POC5: variants seen among roughly 807,000 people sequenced by gnomAD.
POC5 encodes POC5 centriolar protein.
Under a neutral mutation model 62.9 loss-of-function variants are expected in POC5, and 48 were observed. The observed-to-expected ratio is 0.76, with a 90% CI of 0.61 to 0.97. The LOEUF (loss-of-function observed/expected upper bound fraction) is 0.97, where lower values mean the gene tolerates loss of function less well. POC5 is among the 50% of genes least tolerant of loss of function. The pLI, the probability that POC5 is intolerant of heterozygous loss-of-function variation, is 0.00. For synonymous variants in POC5, 236 were observed against 228.2 expected (o/e 1.03, Z -0.31); for missense variants, 696 against 679.5 (o/e 1.02, Z -0.27).
chr5:75,684,268 A>G (rs1775992901), intron 10 of POC5, among the ~76,000 whole-genome samples: 1 of 152,038 alleles, frequency 6.6e-6, no homozygotes, highest in Admixed American at 6.6e-5. Context: ...TTAAATATAC[A>G]TTAACCTCCC....
chr5:75,696,935 A>C (rs1294192926), intron 5 of POC5, among the ~76,000 whole-genome samples: 1 of 152,116 alleles, frequency 6.6e-6, no homozygotes, highest in Admixed American at 6.5e-5. Flanking sequence ...TGATGCGATC[A>C]ACTGGAAGAA....
At chr5:75,712,219 A>T in intron 2 of POC5, 2 of 953,368 alleles carry the variant, frequency 2.1e-6, no homozygotes, top group Non-Finnish European at 3.1e-6. Flanking sequence ...CCCCTTGAGT[A>T]ATACAACTGT....
chr5:75,701,964 G>A (rs1776904477), intron 5 of POC5, among the ~76,000 whole-genome samples: 2 of 152,212 alleles, frequency 1.3e-5, no homozygotes, highest in South Asian at 2.1e-4. Flanking sequence ...TAAAGGCACA[G>A]TATGTCTCAG....
intron 6 of POC5, among the ~76,000 whole-genome samples, chr5:75,693,060 A>G (rs1776408579): frequency 6.8e-6 from 1 of 147,878 alleles, no homozygotes; most frequent in Non-Finnish European, 1.5e-5. Context: ...ACCTATTAAT[A>G]ACATGTTATA....
chr5:75,696,183 C>T (rs138887034), intron 5 of POC5: 25,573 of 156,686 alleles, frequency 0.16, 2,362 homozygotes, highest in South Asian at 0.2. Context: ...CAAAGCAGCC[C>T]GGAAGCTCGA....
At chr5:75,715,745 C>T (rs1395996358) in intron 1 of POC5, among the ~76,000 whole-genome samples, 3 of 152,130 alleles carry the variant, frequency 2.0e-5, no homozygotes, top group Non-Finnish European at 4.4e-5. Context: ...AATATGCGTT[C>T]AGAGGGGACC....
intron 9 of POC5, among the ~76,000 whole-genome samples, chr5:75,688,000 G>C (rs1776170564): frequency 6.6e-6 from 1 of 152,154 alleles, no homozygotes; most frequent in Non-Finnish European, 1.5e-5. Flanking sequence ...GAGATTCCAT[G>C]ATTCTCAGTT....
At position 75,685,057 on chromosome 5, in the gene POC5, C is replaced by CG. The variant is rs1162642976; in HGVS notation, c.1407+149dup. The stretch of plus-strand genomic sequence containing the variant: ...TAATTTTTCGTATTTTTAGTAGAGA[C>CG]GGGGTTTCACCGTGTTAGCCAGGAT... On this transcript the variant is annotated intron_variant, in intron 10 of 11. Transcript: ENST00000428202. 24 of 808,326 alleles carry CG rather than the reference C, an allele frequency of 3.0e-5. No homozygotes were observed. In the East Asian group the frequency reaches 7.0e-4, roughly 24 times the overall value. 50.1% of individuals were successfully genotyped at this position (808,326 alleles called of 1,614,324 possible). A position where few individuals can be genotyped will look rare whatever the true frequency, so the allele number is the denominator to read the frequency against.
chr5:75,697,430 C>A (rs2112150814), intron 5 of POC5, among the ~76,000 whole-genome samples: 2 of 152,146 alleles, frequency 1.3e-5, no homozygotes, highest in South Asian at 4.2e-4. Context: ...GAATTTTCAA[C>A]CCAGAATTTC....
At position 75,674,586 on chromosome 5, in the gene POC5, G is replaced by A. The variant is rs770417147; in HGVS notation, c.1585-8C>T. ...TGCTTGAGGAATGGTTTGCTGAAAA[G>A]ACAAAATTCTGCTTTAATAATATCC... On this transcript the variant is annotated splice_polypyrimidine_tract_variant and splice_region_variant and intron_variant, in intron 11 of 11. Transcript: ENST00000428202. 1 of 1,613,292 alleles carries A rather than the reference G, an allele frequency of 6.2e-7. No individual in the cohort carries two copies. The highest frequency in any genetic ancestry group is 8.5e-7 in the Non-Finnish European group (1 of 1,179,576).
At chr5:75,688,432 T>G (rs1396413734) in intron 9 of POC5, among the ~76,000 whole-genome samples, 1 of 152,194 alleles carries the variant, frequency 6.6e-6, no homozygotes, top group Non-Finnish European at 1.5e-5. Flanking sequence ...ATTCTAGTTA[T>G]GGGCTTTTCT....
chr5:75,696,573 C>G (rs1457172302), intron 5 of POC5, among the ~76,000 whole-genome samples: 1 of 151,726 alleles, frequency 6.6e-6, no homozygotes, highest in Non-Finnish European at 1.5e-5. Flanking sequence ...TCACCATCAT[C>G]AAAGACCAAA....
chr5:75,712,302 A>G, intron 2 of POC5: 2 of 1,420,474 alleles, frequency 1.4e-6, no homozygotes, highest in Non-Finnish European at 2.0e-6. Flanking sequence ...CATATTTTTG[A>G]TGATGAAATA....
At chr5:75,697,206 C>T (rs539358915) in intron 5 of POC5, among the ~76,000 whole-genome samples, 43 of 152,136 alleles carry the variant, frequency 2.8e-4, no homozygotes, top group South Asian at 1.7e-3. Flanking sequence ...ATACAGAGAA[C>T]GCCACAAAGA....
chr5:75,690,711 C>A, intron 7 of POC5, 149 bp from the exon 8 acceptor site: 1 of 788,506 alleles, frequency 1.3e-6, no homozygotes, highest in Non-Finnish European at 1.9e-6. Context: ...TATAGGAGAA[C>A]AGGCTTAGAG....
At chr5:75,699,779 T>C (rs1210298088) in intron 5 of POC5, among the ~76,000 whole-genome samples, 1 of 143,606 alleles carries the variant, frequency 7.0e-6, no homozygotes, top group Non-Finnish European at 1.5e-5. Context: ...AGTCAAATTC[T>C]CCCTGTTTGC....
chr5:75,686,845 T>G (rs1776113705), intron 9 of POC5, among the ~76,000 whole-genome samples: 1 of 152,186 alleles, frequency 6.6e-6, no homozygotes, highest in Non-Finnish European at 1.5e-5. Context: ...TTTTAAGGAC[T>G]TTTTGTCATG....
chr5:75,705,079 A>T (rs1030084774), intron 4 of POC5, among the ~76,000 whole-genome samples: 1 of 152,160 alleles, frequency 6.6e-6, no homozygotes. Flanking sequence ...ATGTGCCTGT[A>T]GTCCCAGCTA....
rs1247487555 is a variant in POC5, at chr5:75,674,425, C to T, written c.*10G>A. On this transcript the variant is annotated 3_prime_UTR_variant, in exon 12 of 12. Transcript: ENST00000428202. ...AGGGATTAAAAGACCCCACTATGGA[C>T]ATATTCACTTTAGTCAACCACTTTT... 1 of 1,613,412 alleles carries T rather than the reference C, an allele frequency of 6.2e-7. No individual in the cohort carries two copies. Among genetic ancestry groups the T allele is most frequent in the Admixed American group, 1.7e-5 (1 of 59,984 alleles).
Sources: allele counts gnomAD v4.1 joint callset (sites outside exome capture counted in the v4.1 genomes callset), GRCh38; gene constraint gnomAD v4.1.1; transcripts MANE v1.5; gene names NCBI Gene and HGNC (gene_info 2026-07-23, HGNC 2026-07-21).